DLEC1: variants seen among roughly 807,000 people sequenced by gnomAD.
DLEC1 encodes the protein deleted in lung and esophageal cancer protein 1.
Under a neutral mutation model 198.1 loss-of-function variants are expected in DLEC1, and 146 were observed. The ratio of observed to expected loss-of-function variants is 0.74; its 90% CI spans 0.64 to 0.85. The LOEUF is 0.85. Among genes scored for constraint, DLEC1 ranks in the 40% least tolerant of loss-of-function variants. The pLI is 0.00. For missense variants in DLEC1, 2,233 were observed against 2,220.0 expected (o/e 1.01, Z -0.12); for synonymous variants, 897 against 866.8 (o/e 1.03, Z -0.61).
In DLEC1 at chr3:38,097,168, CG is replaced by C; in HGVS notation, c.2341-11del. On this transcript the variant is annotated splice_polypyrimidine_tract_variant and intron_variant, in intron 15 of 36. Coordinates refer to ENST00000308059, the MANE Select transcript of DLEC1 (RefSeq NM_007335.4). ...GGGCAGTAAATGGGCAGCCTGGTCT[CG>C]GGTGTCTTTCAGATGTGGAACAACA... 6.4e-7 allele frequency: 1 copy of C among 1,558,688 alleles called. No homozygotes were observed. The highest frequency in any genetic ancestry group is 1.2e-5 in the South Asian group (1 of 84,646).
intron 1 of DLEC1, among the ~76,000 whole-genome samples, chr3:38,043,806 G>A (rs888187823): frequency 4.6e-5 from 7 of 152,100 alleles, no homozygotes; most frequent in East Asian, 1.9e-4. Context: ...TGATTCTCCC[G>A]CCTCAGCCTA....
chr3:38,067,058 T>C (rs13063664), intron 6 of DLEC1, among the ~76,000 whole-genome samples: 62,694 of 152,020 alleles, frequency 0.41, 13,447 homozygotes, highest in East Asian at 0.6. Flanking sequence ...ATGCCTGCTG[T>C]GGAAGCCTGT....
chr3:38,103,704 CTCT>C (rs1699419782), intron 19 of DLEC1: 1 of 152,156 alleles, frequency 6.6e-6, no homozygotes, highest in Non-Finnish European at 1.5e-5. Flanking sequence ...ATACGTACGA[CTCT>C]TCTTTTCACT....
At chr3:38,069,029 C>T (rs747145755) in intron 6 of DLEC1, among the ~76,000 whole-genome samples, 1 of 151,876 alleles carries the variant, frequency 6.6e-6, no homozygotes, top group African/African-American at 2.4e-5. Flanking sequence ...ATAATTAATA[C>T]CTAAAACTGA....
At chr3:38,039,657 C>T in intron 1 of DLEC1, 21 bp downstream of exon 1, 1 of 1,579,706 alleles carries the variant, frequency 6.3e-7, no homozygotes. Flanking sequence ...GGTGGCGTCG[C>T]GTCTGCGGAC....
chr3:38,042,552 C>CTTTTTTTTTT, intron 1 of DLEC1, among the ~76,000 whole-genome samples: 1 of 104,762 alleles, frequency 9.5e-6, no homozygotes, highest in Non-Finnish European at 1.8e-5. Flanking sequence ...ATGTTGCTGG[C>CTTTTTTTTTT]TTTTTTTTTT....
intron 6 of DLEC1, among the ~76,000 whole-genome samples, chr3:38,065,876 T>G (rs1446828732): frequency 1.3e-5 from 2 of 152,342 alleles, no homozygotes; most frequent in African/African-American, 2.4e-5. Context: ...CTCTCCCACC[T>G]CCTGCTTTTT....
At chr3:38,054,338 C>A (rs148294878) in intron 2 of DLEC1, among the ~76,000 whole-genome samples, 13 of 152,198 alleles carry the variant, frequency 8.5e-5, no homozygotes, top group African/African-American at 3.1e-4. Flanking sequence ...AGCGTGCAGG[C>A]GCCTGGAGGC....
intron 25 of DLEC1, 79 bp from the exon 26 acceptor site, chr3:38,114,263 G>A: frequency 1.4e-6 from 2 of 1,424,370 alleles, no homozygotes; most frequent in Non-Finnish European, 2.0e-6. Flanking sequence ...GGGCTGGCTG[G>A]ACAAGTGGAG....
rs958713112 is a variant in DLEC1, at chr3:38,041,986, C to CATTT, written c.411+2367_411+2370dup. Among the ~76,000 whole-genome samples, 9 of 151,794 alleles carry CATTT rather than the reference C, an allele frequency of 5.9e-5. No homozygotes were observed. In the South Asian group the frequency reaches 6.3e-4, roughly 11 times the overall value. On this transcript the variant is annotated intron_variant, in intron 1 of 36. Transcript: ENST00000308059. ...CTGCATTGTAGACAAACACAGCTGC[C>CATTT]ATTTATTTATTTATTTATTTTTTTG... is the stretch of plus-strand genomic sequence containing the variant.
In DLEC1 at chr3:38,114,976, C is replaced by T; in HGVS notation, c.3786-7C>T. On this transcript the variant is annotated splice_polypyrimidine_tract_variant and splice_region_variant and intron_variant, in intron 26 of 36. Coordinates refer to ENST00000308059, the MANE Select transcript of DLEC1 (RefSeq NM_007335.4). ...GGCTGTACTGAGTCCAGTCTGTCCC[C>T]CTCCAGGTTCGGCACCCAGGTCTCC... is the stretch of plus-strand genomic sequence containing the variant. 6.2e-7 allele frequency: 1 copy of T among 1,612,986 alleles called. No individual in the cohort carries two copies. Among genetic ancestry groups the T allele is most frequent in the Non-Finnish European group, 8.5e-7 (1 of 1,179,390 alleles).
Position 38,097,281 on chromosome 3 carries a change from T to A in DLEC1, c.2434+6T>A. On this transcript the variant is annotated splice_donor_region_variant and intron_variant, in intron 16 of 36. Transcript: ENST00000308059. ...GCCCGGCACAGGGGTCATAGGTACC[T>A]TGGGGACTGCAGGAGGGGTTGTGAC... 6.4e-7 allele frequency: 1 copy of A among 1,573,160 alleles called. No individual in the cohort carries two copies. The highest frequency in any genetic ancestry group is 1.2e-5 in the South Asian group (1 of 86,126).
At chr3:38,076,823 G>A (rs1279148196) in intron 6 of DLEC1, among the ~76,000 whole-genome samples, 1 of 152,188 alleles carries the variant, frequency 6.6e-6, no homozygotes, top group African/African-American at 2.4e-5. Context: ...GGGATGGTAT[G>A]GAGCGATAAT....
intron 6 of DLEC1, among the ~76,000 whole-genome samples, chr3:38,071,911 C>A (rs1437844687): frequency 6.6e-6 from 1 of 152,154 alleles, no homozygotes; most frequent in Admixed American, 6.5e-5. Flanking sequence ...GTTAAGGCAA[C>A]TAGTCTGGCT....
chr3:38,097,489 C>T lies in DLEC1; in HGVS notation c.2435-18C>T. ...CTCTGCTTCTCCTCTCCACCTCTCC[C>T]TTTCCCTCTCTTCTCAGAGCCCAGT... On this transcript the variant is annotated intron_variant, in intron 16 of 36. Transcript: ENST00000308059. 6.2e-7 allele frequency: 1 copy of T among 1,613,874 alleles called. No individual in the cohort carries two copies. Among genetic ancestry groups the T allele is most frequent in the Non-Finnish European group, 8.5e-7 (1 of 1,179,838 alleles).
At position 38,039,556 on chromosome 3, in the gene DLEC1, G is replaced by T; in HGVS notation, c.331G>T (p.Asp111Tyr). Residue 111 changes from aspartate (D) to tyrosine (Y), a missense_variant, in exon 1 of 37, where the codon GAC becomes TAC. Transcript: ENST00000308059. The stretch of plus-strand genomic sequence containing the variant: ...CTTGTACTCAGCCGAGGTCATCGGC[G>T]ACGAAGTGAGCGCAAGCTTGATCAA... ...RNLYSAEVIG[D>Y]EVSASLIKAR... 1 of 1,613,966 alleles carries T rather than the reference G, an allele frequency of 6.2e-7. No individual in the cohort carries two copies. The highest frequency in any genetic ancestry group is 8.5e-7 in the Non-Finnish European group (1 of 1,179,940).
At chr3:38,078,664 AT>A (rs1691293168) in intron 6 of DLEC1, among the ~76,000 whole-genome samples, 4 of 152,224 alleles carry the variant, frequency 2.6e-5, no homozygotes. Flanking sequence ...AGCCCAGGTA[AT>A]TTGCTGAGCC....
rs748869341 is a variant in DLEC1, at chr3:38,095,953, G to C, written c.2171+7G>C. 6 of 1,613,442 alleles carry C rather than the reference G, an allele frequency of 3.7e-6. No homozygotes were observed. The East Asian group carries it at 1.3e-4, about 36-fold the overall frequency. On this transcript the variant is annotated splice_region_variant and intron_variant, in intron 14 of 36. Transcript: ENST00000308059. ...AAGTCCCAGAGCCTGTAAGGTGAGA[G>C]AAACTGGGCCCTGGATGAGAAGTGG...
In DLEC1 at chr3:38,081,594, G is replaced by A. The variant is rs1427816445; in HGVS notation, c.1174-2564G>A. On this transcript the variant is annotated intron_variant, in intron 6 of 36. Coordinates refer to ENST00000308059, the MANE Select transcript of DLEC1 (RefSeq NM_007335.4). ...GGGCTGAGCCCCTCACCTCCCGGAC[G>A]GGGCGGCTGGCCGGGCGGAGGGCTG... Among the ~76,000 whole-genome samples, 3 of 105,740 alleles carry A rather than the reference G, an allele frequency of 2.8e-5. 1 individual carries two copies. The highest frequency in any genetic ancestry group is 4.3e-5 in the African/African-American group (1 of 23,328). 69.4% of individuals were successfully genotyped at this position (105,740 alleles called of 152,430 possible).
Sources: gnomAD v4.1 joint callset for allele counts (sites outside exome capture counted in the v4.1 genomes callset) on GRCh38, gnomAD v4.1.1 for gene constraint, MANE v1.5 for transcripts, NCBI Gene and HGNC (gene_info 2026-07-23, HGNC 2026-07-21) for gene names.